The following RGS6 variants were observed in gnomAD, a reference collection of about 807,000 sequenced individuals.
RGS6 encodes regulator of G-protein signaling 6.
RGS6 carries 30 observed loss-of-function variants against 78.5 expected under a neutral mutation model. That is an observed-to-expected ratio of 0.38 (90% CI 0.29 to 0.52). The LOEUF is 0.52. Ranked by LOEUF, RGS6 falls within the 20% of genes least tolerant of loss-of-function variation. The probability of loss-of-function intolerance (pLI) is 0.85; values close to 1 mark genes in which losing one functional copy is unlikely to be tolerated. For synonymous variants in RGS6, 206 were observed against 206.0 expected, an observed-to-expected ratio of 1.00 and a Z score of 0.00; for missense variants, 495 against 609.7, an observed-to-expected ratio of 0.81 and a Z score of 1.98.
intron 1 of RGS6, among the ~76,000 whole-genome samples, chr14:71,957,328 AG>A (rs1273901029): frequency 3.9e-5 from 6 of 152,282 alleles, no homozygotes; most frequent in Non-Finnish European, 8.8e-5. Context: ...GCCACAGAGC[AG>A]GGATTTGTGT....
chr14:72,156,345 C>G (rs2096770099), intron 2 of RGS6, among the ~76,000 whole-genome samples: 1 of 150,900 alleles, frequency 6.6e-6, no homozygotes, highest in Non-Finnish European at 1.5e-5. Context: ...ACTTGGGAAG[C>G]TGAGGCAGGA....
rs1291167942 is a variant in RGS6, at chr14:72,494,885, A to T, written c.855-267A>T. 3.3e-5 allele frequency among the ~76,000 whole-genome samples: 5 copies of T among 152,198 alleles called. No homozygotes were observed. The East Asian group carries it at 9.6e-4, about 29-fold the overall frequency. Reference sequence around the variant, plus strand: ...TAGCATAACCAGGGAGAGATGCACCAAGGTTCAGGTAAAGAATCAAGTGAG... The same window carrying T: ...TAGCATAACCAGGGAGAGATGCACCTAGGTTCAGGTAAAGAATCAAGTGAG... On this transcript the variant is annotated intron_variant, in intron 12 of 17. Transcript: ENST00000553525.
chr14:72,039,620 A>G (rs2153371501), intron 2 of RGS6, among the ~76,000 whole-genome samples: 1 of 152,178 alleles, frequency 6.6e-6, no homozygotes, highest in Non-Finnish European at 1.5e-5. Context: ...TCAGATAGTG[A>G]GGTCTTGTTT....
chr14:72,136,526 G>A (rs1456571199), intron 2 of RGS6, among the ~76,000 whole-genome samples: 1 of 152,088 alleles, frequency 6.6e-6, no homozygotes, highest in African/African-American at 2.4e-5. Context: ...GAGAATGAGA[G>A]CCAAGTAAAA....
the RGS6 span, among the ~76,000 whole-genome samples, chr14:71,922,459 T>G: frequency 3.1e-4 from 47 of 152,322 alleles, 1 homozygote; most frequent in African/African-American, 1.0e-3. Flanking sequence ...AGTCTCTTGC[T>G]TAAAGACCCC....
At chr14:72,432,199 G>C (rs530716439) in intron 3 of RGS6, among the ~76,000 whole-genome samples, 1 of 152,188 alleles carries the variant, frequency 6.6e-6, no homozygotes, top group Non-Finnish European at 1.5e-5. Flanking sequence ...ATAAGGGACA[G>C]GAGTCCTTTG....
intron 3 of RGS6, among the ~76,000 whole-genome samples, chr14:72,435,457 G>A (rs1236257078): frequency 6.6e-6 from 1 of 152,188 alleles, no homozygotes; most frequent in Admixed American, 6.5e-5. Flanking sequence ...AGGTTACTAA[G>A]ATCTGGCCAA....
intron 12 of RGS6, among the ~76,000 whole-genome samples, chr14:72,487,273 G>T (rs2096505232): frequency 1.3e-5 from 2 of 152,182 alleles, no homozygotes; most frequent in Non-Finnish European, 2.9e-5. Context: ...CTCTCCTCCA[G>T]GTGACTTTAT....
At chr14:72,447,868 T>G (rs552372807) in intron 3 of RGS6, among the ~76,000 whole-genome samples, 107 of 152,258 alleles carry the variant, frequency 7.0e-4, no homozygotes, top group African/African-American at 2.5e-3. Flanking sequence ...CACACCAAGC[T>G]AATTTTTGTG....
chr14:72,327,750 G>T (rs979076268), intron 2 of RGS6, among the ~76,000 whole-genome samples: 4 of 152,158 alleles, frequency 2.6e-5, no homozygotes, highest in Admixed American at 2.0e-4. Flanking sequence ...CTGTGACTTA[G>T]CAGCCGTTTG....
intron 13 of RGS6, among the ~76,000 whole-genome samples, chr14:72,508,261 G>C (rs927386211): frequency 6.6e-6 from 1 of 152,216 alleles, no homozygotes; most frequent in Non-Finnish European, 1.5e-5. Flanking sequence ...GATTATGTGT[G>C]TTGGTGAAGA....
intron 2 of RGS6, among the ~76,000 whole-genome samples, chr14:72,036,264 C>CGTTTTGTTTT (rs139770357): frequency 0.037 from 5,469 of 149,702 alleles, 338 homozygotes; most frequent in African/African-American, 0.13. Flanking sequence ...GAACATAACC[C>CGTTTTGTTTT]GTTTTGTTTT....
At chr14:72,488,857 G>A (rs538563230) in intron 12 of RGS6, among the ~76,000 whole-genome samples, 19 of 152,312 alleles carry the variant, frequency 1.2e-4, no homozygotes, top group South Asian at 2.1e-4. Flanking sequence ...TGACCACATC[G>A]AGGATCTGCT....
intron 3 of RGS6, among the ~76,000 whole-genome samples, chr14:72,409,835 T>C (rs2093267520): frequency 6.6e-6 from 1 of 152,178 alleles, no homozygotes; most frequent in South Asian, 2.1e-4. Context: ...GTTCTTGCAA[T>C]AGTTTGCTGA....
chr14:72,455,873 G>A (rs1292310379), intron 4 of RGS6, among the ~76,000 whole-genome samples: 1 of 152,192 alleles, frequency 6.6e-6, no homozygotes, highest in East Asian at 1.9e-4. Flanking sequence ...TAAGGAACGT[G>A]TTTCCTCATG....
intron 2 of RGS6, among the ~76,000 whole-genome samples, chr14:72,209,040 T>A (rs2043380001): frequency 6.6e-6 from 1 of 152,092 alleles, no homozygotes; most frequent in South Asian, 2.1e-4. Flanking sequence ...TTGCTTGAGC[T>A]CAGGAGTTCA....
Position 72,311,842 on chromosome 14 carries a change from G to A in RGS6, c.85-40253G>A, listed in dbSNP as rs529069330. Among the ~76,000 whole-genome samples, 8 of 152,304 alleles carry A rather than the reference G, an allele frequency of 5.3e-5. 2 individuals are homozygous for A. Among genetic ancestry groups the A allele is most frequent in the African/African-American group, 1.9e-4 (8 of 41,566 alleles). On this transcript the variant is annotated intron_variant, in intron 2 of 17. Coordinates refer to ENST00000553525, the MANE Select transcript of RGS6 (RefSeq NM_001204424.2). ...GCAACCAGAGTATCACTTCTGATGG[G>A]AAAAGGAAGAATGGCCTTCAGTGAT...
the RGS6 span, among the ~76,000 whole-genome samples, chr14:72,607,978 A>G: frequency 6.6e-6 from 1 of 152,204 alleles, no homozygotes; most frequent in Admixed American, 6.5e-5. Flanking sequence ...TTAGGGGAGG[A>G]ATAAAAAGTG....
intron 2 of RGS6, among the ~76,000 whole-genome samples, chr14:71,997,498 G>A (rs1418374048): frequency 6.6e-6 from 1 of 152,192 alleles, no homozygotes; most frequent in African/African-American, 2.4e-5. Flanking sequence ...AAATCATAAT[G>A]CATGTGCATT....
Sources: allele counts gnomAD v4.1 joint callset (sites outside exome capture counted in the v4.1 genomes callset), GRCh38; gene constraint gnomAD v4.1.1; transcripts MANE v1.5; gene names NCBI Gene and HGNC (gene_info 2026-07-23, HGNC 2026-07-21).